OXSR1: variants seen among roughly 807,000 people sequenced by gnomAD.
OXSR1 encodes oxidative stress responsive kinase 1.
OXSR1 carries 24 observed loss-of-function variants against 79.8 expected under a neutral mutation model. That is an observed-to-expected ratio of 0.30 (90% CI 0.22 to 0.42). The LOEUF (loss-of-function observed/expected upper bound fraction) is 0.42, where lower values mean the gene tolerates loss of function less well. OXSR1 is among the 10% of genes least tolerant of loss of function. The probability of loss-of-function intolerance (pLI) is 1.00; values close to 1 mark genes in which losing one functional copy is unlikely to be tolerated. For synonymous variants in OXSR1, 226 were observed against 209.2 expected (o/e 1.08, Z -0.69); for missense variants, 430 against 618.4 (o/e 0.70, Z 3.23).
At chr3:38,214,858 T>G (rs1702452314) in intron 4 of OXSR1, among the ~76,000 whole-genome samples, 2 of 152,192 alleles carry the variant, frequency 1.3e-5, no homozygotes, top group Non-Finnish European at 1.5e-5. Context: ...AATGGTTATA[T>G]CTAAACATGG....
intron 5 of OXSR1, among the ~76,000 whole-genome samples, chr3:38,217,091 ACT>A (rs1559516569): frequency 1.3e-5 from 2 of 152,176 alleles, no homozygotes; most frequent in Non-Finnish European, 2.9e-5. Flanking sequence ...AGAAAAAAAA[ACT>A]CTAAAAAAGT....
chr3:38,250,946 A>G (rs1326363886), intron 15 of OXSR1, among the ~76,000 whole-genome samples: 1 of 152,166 alleles, frequency 6.6e-6, no homozygotes, highest in Non-Finnish European at 1.5e-5. Context: ...GGTTATACCC[A>G]TTGCTCAGAT....
chr3:38,217,623 G>A (rs1702508761), intron 5 of OXSR1, among the ~76,000 whole-genome samples: 1 of 152,108 alleles, frequency 6.6e-6, no homozygotes, highest in Non-Finnish European at 1.5e-5. Flanking sequence ...TGCCTTCCAG[G>A]TTCAAAAGAT....
At chr3:38,233,060 G>A (rs759768476) in intron 10 of OXSR1, among the ~76,000 whole-genome samples, 7 of 152,156 alleles carry the variant, frequency 4.6e-5, no homozygotes, top group Non-Finnish European at 1.0e-4. Flanking sequence ...GATAGAGTTA[G>A]ACTCTGGTCC....
Position 38,216,138 on chromosome 3 carries a change from A to G in OXSR1, c.477A>G (p.Ser159=), listed in dbSNP as rs781647220. 3.1e-6 allele frequency: 5 copies of G among 1,588,820 alleles called. No individual in the cohort carries two copies. In the South Asian group the frequency reaches 3.4e-5, roughly 11 times the overall value. ...AGNILLGEDG[S]VQIADFGVSA... Reference sequence around the variant, plus strand: ...ACATTCTTCTTGGAGAAGATGGCTCAGTACAGATTGCAGGTAATGATTAGT... The same window carrying G: ...ACATTCTTCTTGGAGAAGATGGCTCGGTACAGATTGCAGGTAATGATTAGT... The change falls in exon 5 of 18, where the codon TCA becomes TCG. Residue 159 remains serine (S), a synonymous_variant. Coordinates refer to ENST00000311806, the MANE Select transcript of OXSR1 (RefSeq NM_005109.3).
intron 5 of OXSR1, 72 bp downstream of exon 5, chr3:38,216,223 T>C: frequency 1.0e-6 from 1 of 954,374 alleles, no homozygotes; most frequent in Non-Finnish European, 1.6e-6. Context: ...TTATGTTTCC[T>C]TAATCAGCAT....
chr3:38,219,363 C>T (rs898833488), intron 5 of OXSR1, among the ~76,000 whole-genome samples: 2 of 152,084 alleles, frequency 1.3e-5, no homozygotes, highest in Non-Finnish European at 2.9e-5. Flanking sequence ...CATAATTCAA[C>T]CTAAAAAATA....
chr3:38,234,464 A>T (rs763978675), intron 10 of OXSR1, among the ~76,000 whole-genome samples: 22 of 152,298 alleles, frequency 1.4e-4, no homozygotes, highest in Non-Finnish European at 2.6e-4. Context: ...TCTTGAAGAT[A>T]CATAAATGGC....
chr3:38,190,054 AGAGATGATAGGGGAAGT>A (rs1210019746), intron 2 of OXSR1, among the ~76,000 whole-genome samples: 2 of 152,228 alleles, frequency 1.3e-5, no homozygotes, highest in Non-Finnish European at 2.9e-5. Context: ...TTAGCTAAGC[AGAGATGATAGGGGAAGT>A]GTATTTGAGG....
rs960396759 is a variant in OXSR1 at position 38,223,971 on chromosome 3, A to G, written c.702+58A>G. ...CAAGTCCCAATTCCTTTTCAGAGCC[A>G]TTTGCCAGTCTTTTAATTTTTTTTT... is the stretch of plus-strand genomic sequence containing the variant. On this transcript the variant is annotated intron_variant, in intron 7 of 17. Coordinates refer to ENST00000311806, the MANE Select transcript of OXSR1 (RefSeq NM_005109.3). 4 of 1,016,626 alleles carry G rather than the reference A, an allele frequency of 3.9e-6. No individual in the cohort carries two copies. In the African/African-American group the frequency reaches 6.6e-5, roughly 17 times the overall value. The allele number at this position is 1,016,626 out of a possible 1,614,324, so 63.0% of individuals were successfully genotyped here. A position where few individuals can be genotyped will look rare whatever the true frequency, so the allele number is the denominator to read the frequency against.
rs376112785 is a variant in OXSR1, at chr3:38,166,844, GGAGATAAACAA to G, written c.70+901_70+911del. Among the ~76,000 whole-genome samples, 431 of 151,514 alleles carry G rather than the reference GGAGATAAACAA, an allele frequency of 2.8e-3. 1 individual carries two copies. The highest frequency in any genetic ancestry group is 1.0e-2 in the African/African-American group (411 of 41,298). On this transcript the variant is annotated intron_variant, in intron 1 of 17. Transcript: ENST00000311806. The stretch of plus-strand genomic sequence containing the variant: ...AAGAGGCTTTGGCAAGTGCCATGAA[GGAGATAAACAA>G]GATGTTCTGATAGAGAATAACCTGG...
intron 11 of OXSR1, 81 bp downstream of exon 11, chr3:38,237,042 A>G (rs1702933421): frequency 1.6e-6 from 2 of 1,258,638 alleles, no homozygotes; most frequent in Admixed American, 2.4e-5. Context: ...TATAAAGAAT[A>G]CAATTGTAAC....
intron 4 of OXSR1, among the ~76,000 whole-genome samples, chr3:38,208,867 A>G (rs934946770): frequency 2.0e-5 from 3 of 152,160 alleles, no homozygotes; most frequent in African/African-American, 7.2e-5. Flanking sequence ...GCGTCACTGC[A>G]CTCCAGCCTG....
chr3:38,173,209 A>C (rs1368820687), intron 1 of OXSR1, among the ~76,000 whole-genome samples: 1 of 152,268 alleles, frequency 6.6e-6, no homozygotes, highest in Non-Finnish European at 1.5e-5. Context: ...GGTCAGGATT[A>C]TCTTACTAAA....
chr3:38,210,610 C>T (rs1236656904), intron 4 of OXSR1, among the ~76,000 whole-genome samples: 3 of 152,118 alleles, frequency 2.0e-5, no homozygotes, highest in East Asian at 3.9e-4. Flanking sequence ...CTGTTCCACA[C>T]TGAGCCTCCA....
intron 2 of OXSR1, among the ~76,000 whole-genome samples, chr3:38,187,231 C>T (rs1304872643): frequency 6.6e-6 from 1 of 152,080 alleles, no homozygotes; most frequent in African/African-American, 2.4e-5. Context: ...ATAGAATATA[C>T]TCTCATTTTC....
At chr3:38,183,259 T>C in intron 2 of OXSR1, 144 bp downstream of exon 2, 1 of 436,148 alleles carries the variant, frequency 2.3e-6, no homozygotes, top group Non-Finnish European at 4.0e-6. Context: ...TTGTAAAATT[T>C]ATAAAGTCTG....
chr3:38,213,602 G>A (rs952257501), intron 4 of OXSR1, among the ~76,000 whole-genome samples: 3 of 152,172 alleles, frequency 2.0e-5, no homozygotes, highest in African/African-American at 7.2e-5. Context: ...ATTTATTGTA[G>A]CAAAAGTACT....
At chr3:38,233,180 A>C (rs1293568324) in intron 10 of OXSR1, among the ~76,000 whole-genome samples, 2 of 152,246 alleles carry the variant, frequency 1.3e-5, no homozygotes, top group Non-Finnish European at 2.9e-5. Context: ...AAACATGGGA[A>C]TAACTTACTG....
Sources: gnomAD v4.1 joint callset for allele counts (sites outside exome capture counted in the v4.1 genomes callset) on GRCh38, gnomAD v4.1.1 for gene constraint, MANE v1.5 for transcripts, NCBI Gene and HGNC (gene_info 2026-07-23, HGNC 2026-07-21) for gene names.